The following ASCC3 variants were observed in gnomAD, a reference collection of about 807,000 sequenced individuals.
ASCC3 encodes the protein activating signal cointegrator 1 complex subunit 3.
ASCC3 carries 158 observed loss-of-function variants against 256.3 expected under a neutral mutation model. That is an observed-to-expected ratio of 0.62 (90% CI 0.54 to 0.70). The LOEUF (loss-of-function observed/expected upper bound fraction) is 0.70, where lower values mean the gene tolerates loss of function less well. Among genes scored for constraint, ASCC3 ranks in the 30% least tolerant of loss-of-function variants. The probability of loss-of-function intolerance (pLI) is 0.00; values close to 1 mark genes in which losing one functional copy is unlikely to be tolerated. For missense variants in ASCC3, 2,259 were observed against 2,626.0 expected (o/e 0.86, Z 3.05); for synonymous variants, 948 against 883.4 (o/e 1.07, Z -1.30).
intron 20 of ASCC3, among the ~76,000 whole-genome samples, chr6:100,649,814 A>AT (rs1775567436): frequency 6.6e-6 from 1 of 151,660 alleles, no homozygotes; most frequent in Admixed American, 6.6e-5. Context: ...CAGGTAAATA[A>AT]TTTTTTTAAA....
Position 100,679,769 on chromosome 6 carries a change from C to G in ASCC3, c.2152-17G>C. 6.2e-7 allele frequency: 1 copy of G among 1,612,516 alleles called. No individual in the cohort carries two copies. The highest frequency in any genetic ancestry group is 8.5e-7 in the Non-Finnish European group (1 of 1,178,896). ...CACCATCACCTGAAAAAAAGGAAAG[C>G]AGTTTATTTAATATTCCAATTAATT... On this transcript the variant is annotated splice_polypyrimidine_tract_variant and intron_variant, in intron 13 of 41. Coordinates refer to ENST00000369162, the MANE Select transcript of ASCC3 (RefSeq NM_006828.4).
chr6:100,874,555 A>T (rs976790104), intron 1 of ASCC3, among the ~76,000 whole-genome samples: 1 of 152,022 alleles, frequency 6.6e-6, no homozygotes. Flanking sequence ...TAAAGGTCAA[A>T]TTGAGAAAAC....
chr6:100,752,995 T>C (rs1018935188), intron 10 of ASCC3, among the ~76,000 whole-genome samples: 3 of 152,122 alleles, frequency 2.0e-5, no homozygotes, highest in African/African-American at 7.2e-5. Context: ...AATTCTGAAG[T>C]AAATAGGCCC....
chr6:100,531,701 T>C (rs1034567399), intron 37 of ASCC3, among the ~76,000 whole-genome samples: 9 of 152,088 alleles, frequency 5.9e-5, no homozygotes, highest in African/African-American at 2.2e-4. Context: ...TGTATTGTGT[T>C]TCAGACTCTT....
intron 14 of ASCC3, among the ~76,000 whole-genome samples, chr6:100,664,844 G>T (rs1384632433): frequency 6.6e-6 from 1 of 152,164 alleles, no homozygotes; most frequent in Non-Finnish European, 1.5e-5. Flanking sequence ...TTCAAGAGTG[G>T]ATATTCAAAG....
chr6:100,684,992 A>G (rs925182446), intron 13 of ASCC3, among the ~76,000 whole-genome samples: 4 of 151,866 alleles, frequency 2.6e-5, no homozygotes, highest in African/African-American at 9.7e-5. Context: ...TATTTTTAGT[A>G]GAGACAGGGT....
chr6:100,819,425 G>A (rs1175058402), intron 4 of ASCC3, among the ~76,000 whole-genome samples: 1 of 152,266 alleles, frequency 6.6e-6, no homozygotes, highest in East Asian at 1.9e-4. Flanking sequence ...TTATTAAGGC[G>A]TATTGACTCA....
At chr6:100,802,776 G>A (rs903839813) in intron 5 of ASCC3, among the ~76,000 whole-genome samples, 1 of 151,950 alleles carries the variant, frequency 6.6e-6, no homozygotes, top group South Asian at 2.1e-4. Flanking sequence ...GAGGTGGGAG[G>A]ACTGCTTGAG....
chr6:100,737,086 G>A (rs552604542), intron 10 of ASCC3, among the ~76,000 whole-genome samples: 1 of 151,252 alleles, frequency 6.6e-6, no homozygotes, highest in Non-Finnish European at 1.5e-5. Context: ...GGTGGAGGAT[G>A]CAGTGAGCCG....
chr6:100,559,542 C>T (rs1011044230), intron 36 of ASCC3, among the ~76,000 whole-genome samples: 8 of 152,066 alleles, frequency 5.3e-5, no homozygotes, highest in South Asian at 2.1e-4. Flanking sequence ...AGACAATAGT[C>T]ATTGGACGTA....
chr6:100,760,522 T>C (rs1009309919), intron 10 of ASCC3, among the ~76,000 whole-genome samples: 2 of 152,218 alleles, frequency 1.3e-5, no homozygotes, highest in African/African-American at 4.8e-5. Flanking sequence ...CTGCTGGATT[T>C]GGTTCTGACA....
intron 37 of ASCC3, among the ~76,000 whole-genome samples, chr6:100,528,363 A>C (rs796785959): frequency 5.9e-5 from 9 of 152,312 alleles, no homozygotes; most frequent in African/African-American, 2.2e-4. Flanking sequence ...TGTTTTTGCA[A>C]ATATAGGAAG....
Position 100,848,141 on chromosome 6 carries a change from A to G in ASCC3, c.801+7T>C. On this transcript the variant is annotated splice_region_variant and intron_variant, in intron 4 of 41. Coordinates refer to ENST00000369162, the MANE Select transcript of ASCC3 (RefSeq NM_006828.4). ...TAATATAAAAAAATAAATCATTTCA[A>G]CTATACCTCATCCTGAAGTTCATCA... The G allele has an allele frequency of 6.3e-7, 1 of 1,577,032 alleles. No homozygotes were observed. Among genetic ancestry groups the G allele is most frequent in the Non-Finnish European group, 8.6e-7 (1 of 1,166,442 alleles).
intron 4 of ASCC3, among the ~76,000 whole-genome samples, chr6:100,811,632 A>C (rs547161197): frequency 1.2e-4 from 18 of 152,256 alleles, no homozygotes; most frequent in Non-Finnish European, 2.4e-4. Flanking sequence ...ATAAAAAAAA[A>C]CCTTAAAATT....
rs193262167 is a variant in ASCC3 at position 100,519,445 on chromosome 6, T to C, written c.5776-1303A>G. Among the ~76,000 whole-genome samples the C allele has an allele frequency of 3.3e-5, 5 of 152,266 alleles. No homozygotes were observed. The East Asian group carries it at 9.7e-4, about 29-fold the overall frequency. ...TATAAATCTAGGGAAAATCCACTTA[T>C]ATTCTTCCTTTTTCTCTGTACAGCA... On this transcript the variant is annotated intron_variant, in intron 37 of 41. Coordinates refer to ENST00000369162, the MANE Select transcript of ASCC3 (RefSeq NM_006828.4).
intron 3 of ASCC3, chr6:100,859,307 T>C (rs1773111860): frequency 5.2e-6 from 4 of 766,684 alleles, no homozygotes; most frequent in South Asian, 4.1e-5. Context: ...TTCTCTGATA[T>C]AGTCAAACAA....
intron 8 of ASCC3, among the ~76,000 whole-genome samples, chr6:100,784,630 CTAAT>C (rs1335284064): frequency 7.2e-5 from 11 of 151,726 alleles, no homozygotes; most frequent in Non-Finnish European, 4.4e-5. Context: ...AAAATAGTAG[CTAAT>C]TAAATATATT....
rs190257949 is a variant in ASCC3, at chr6:100,576,441, A to C, written c.5550+13193T>G. ...ATATTTCTTACATGTCAATGCTTTA[A>C]AATTTTTTTACAGCTGGAATGAAAT... is the stretch of plus-strand genomic sequence containing the variant. On this transcript the variant is annotated intron_variant, in intron 36 of 41. Coordinates refer to ENST00000369162, the MANE Select transcript of ASCC3 (RefSeq NM_006828.4). Among the ~76,000 whole-genome samples, 14 of 152,134 alleles carry C rather than the reference A, an allele frequency of 9.2e-5. No homozygotes were observed. The East Asian group carries it at 2.3e-3, about 25-fold the overall frequency.
At chr6:100,691,866 A>G (rs187067907) in intron 13 of ASCC3, among the ~76,000 whole-genome samples, 112 of 151,972 alleles carry the variant, frequency 7.4e-4, no homozygotes, top group Non-Finnish European at 1.2e-3. Flanking sequence ...CAGCATTTAT[A>G]TACTAGATAA....
Sources: gnomAD v4.1 joint callset for allele counts (sites outside exome capture counted in the v4.1 genomes callset) on GRCh38, gnomAD v4.1.1 for gene constraint, MANE v1.5 for transcripts, NCBI Gene and HGNC (gene_info 2026-07-23, HGNC 2026-07-21) for gene names.